The following LRRC7 variants were observed in gnomAD, a reference collection of about 807,000 sequenced individuals.
LRRC7 encodes the protein leucine-rich repeat-containing protein 7.
A neutral mutation model predicts 175.7 loss-of-function variants in LRRC7; 23 were observed. That is an observed-to-expected ratio of 0.13 (90% CI 0.09 to 0.19). The LOEUF (loss-of-function observed/expected upper bound fraction) is 0.19, where lower values mean the gene tolerates loss of function less well. Among genes scored for constraint, LRRC7 ranks in the 10% least tolerant of loss-of-function variants. The pLI is 1.00. For missense variants in LRRC7, 1,354 were observed against 1,904.7 expected (o/e 0.71, Z 5.38); for synonymous variants, 685 against 680.9 (o/e 1.01, Z -0.09).
intron 3 of LRRC7, among the ~76,000 whole-genome samples, chr1:69,765,629 T>A (rs567444573): frequency 6.6e-6 from 1 of 152,088 alleles, no homozygotes; most frequent in East Asian, 1.9e-4. Flanking sequence ...CATCTATCTA[T>A]CCATTCAACA....
At chr1:70,092,272 C>G (rs1366757218) in intron 25 of LRRC7, among the ~76,000 whole-genome samples, 1 of 151,992 alleles carries the variant, frequency 6.6e-6, no homozygotes, top group East Asian at 1.9e-4. Flanking sequence ...TAAGAGGAAC[C>G]AAGTTAAACA....
chr1:69,642,097 C>T (rs542194981), intron 1 of LRRC7, among the ~76,000 whole-genome samples: 116 of 151,734 alleles, frequency 7.6e-4, no homozygotes, highest in Admixed American at 2.4e-3. Flanking sequence ...AATTTGAAAA[C>T]CTTTGAGGAA....
intron 1 of LRRC7, among the ~76,000 whole-genome samples, chr1:69,575,416 T>G (rs1181224343): frequency 2.6e-5 from 4 of 152,190 alleles, no homozygotes; most frequent in Non-Finnish European, 4.4e-5. Context: ...CTGAGTTTAA[T>G]TTTTGGTCTT....
rs1363198251 is a variant in LRRC7 at position 69,578,903 on chromosome 1, C to T, written c.2+10262C>T. Among the ~76,000 whole-genome samples, 4 of 150,428 alleles carry T rather than the reference C, an allele frequency of 2.7e-5. No homozygotes were observed. The South Asian group carries it at 8.5e-4, about 32-fold the overall frequency. On this transcript the variant is annotated intron_variant, in intron 1 of 26. Transcript: ENST00000651989. ...CACATGTATACATATGTAACCTGCACATTGTGCACATGTACCCTAAAACTT... is the reference window on the plus strand; with the variant it reads ...CACATGTATACATATGTAACCTGCATATTGTGCACATGTACCCTAAAACTT...
At chr1:69,938,657 T>G (rs1275828340) in intron 8 of LRRC7, among the ~76,000 whole-genome samples, 1 of 151,956 alleles carries the variant, frequency 6.6e-6, no homozygotes, top group Non-Finnish European at 1.5e-5. Context: ...TAAATTAAAC[T>G]CATTTTACTA....
At chr1:69,769,562 G>A (rs1417964968) in intron 3 of LRRC7, among the ~76,000 whole-genome samples, 1 of 152,098 alleles carries the variant, frequency 6.6e-6, no homozygotes, top group Admixed American at 6.5e-5. Flanking sequence ...TGTATATGAA[G>A]CATAAATGAA....
In LRRC7 at chr1:70,132,452, CTTTTCTTTTTTT is replaced by C. The variant is rs1338684500; in HGVS notation, c.*10570_*10581del. Among the ~76,000 whole-genome samples the C allele has an allele frequency of 5.7e-4, 37 of 64,588 alleles. No individual in the cohort carries two copies. The highest frequency in any genetic ancestry group is 1.9e-3 in the Admixed American group (9 of 4,790). The allele number at this position is 64,588 out of a possible 152,430, so 42.4% of individuals were successfully genotyped here. A position where few individuals can be genotyped will look rare whatever the true frequency, so the allele number is the denominator to read the frequency against. On this transcript the variant is annotated 3_prime_UTR_variant, in exon 27 of 27. Transcript: ENST00000651989. ...GTACTTTTCTTTTTTCTTTTCTTTTCTTTTCTTTTTTTTTTTTTTTTTTTTTTTTTTGAGACG... is the reference window on the plus strand; with the variant it reads ...GTACTTTTCTTTTTTCTTTTCTTTTCTTTTTTTTTTTTTTTTTTTGAGACG...
At chr1:69,745,743 A>G (rs1017769781) in intron 2 of LRRC7, among the ~76,000 whole-genome samples, 5 of 151,614 alleles carry the variant, frequency 3.3e-5, no homozygotes, top group Admixed American at 2.0e-4. Flanking sequence ...GTGTTTGTGT[A>G]TGTATTTCTT....
At chr1:69,968,023 G>A (rs1478108326) in intron 8 of LRRC7, among the ~76,000 whole-genome samples, 2 of 151,998 alleles carry the variant, frequency 1.3e-5, no homozygotes, top group African/African-American at 4.8e-5. Context: ...ACCAGAGAAA[G>A]GTGAAGCCCA....
intron 4 of LRRC7, among the ~76,000 whole-genome samples, chr1:69,793,233 G>C (rs1267928693): frequency 6.6e-6 from 1 of 152,118 alleles, no homozygotes; most frequent in Non-Finnish European, 1.5e-5. Context: ...CATTCAACAT[G>C]AAGGGCATGC....
At chr1:69,593,530 C>A (rs1326255207) in intron 1 of LRRC7, among the ~76,000 whole-genome samples, 1 of 152,092 alleles carries the variant, frequency 6.6e-6, no homozygotes, top group Non-Finnish European at 1.5e-5. Context: ...CTATAAAATA[C>A]ATAAGTATTC....
intron 4 of LRRC7, among the ~76,000 whole-genome samples, chr1:69,793,702 C>A (rs1675393651): frequency 6.6e-6 from 1 of 151,896 alleles, no homozygotes; most frequent in South Asian, 2.1e-4. Flanking sequence ...CTGGAATCTC[C>A]TTACTAGAAT....
At chr1:69,877,134 T>A (rs1686114228) in intron 7 of LRRC7, among the ~76,000 whole-genome samples, 1 of 152,160 alleles carries the variant, frequency 6.6e-6, no homozygotes, top group Admixed American at 6.6e-5. Context: ...GAAGAAACTG[T>A]GAAGGGGCTC....
At position 69,883,518 on chromosome 1, in the gene LRRC7, T is replaced by C. The variant is rs1418475238; in HGVS notation, c.647+45235T>C. ...CATTGTAGATTCTGGATATTAGCTC[T>C]TTGTCAGATGAGTAGGTTGTGAAAA... On this transcript the variant is annotated intron_variant, in intron 7 of 26. Coordinates refer to ENST00000651989, the MANE Select transcript of LRRC7 (RefSeq NM_001370785.2). Among the ~76,000 whole-genome samples, 6 of 101,326 alleles carry C rather than the reference T, an allele frequency of 5.9e-5. 1 individual carries two copies. 66.5% of individuals were successfully genotyped at this position (101,326 alleles called of 152,430 possible).
At chr1:69,977,722 ACT>A (rs1190509444) in intron 8 of LRRC7, among the ~76,000 whole-genome samples, 2 of 151,956 alleles carry the variant, frequency 1.3e-5, no homozygotes, top group Non-Finnish European at 2.9e-5. Context: ...AATTTTCCAC[ACT>A]CTCTCTTCCC....
intron 1 of LRRC7, among the ~76,000 whole-genome samples, chr1:69,590,855 CCT>C (rs1646601519): frequency 6.6e-6 from 1 of 151,918 alleles, no homozygotes; most frequent in African/African-American, 2.4e-5. Flanking sequence ...AGAAATGTAG[CCT>C]CTCTGAGTTC....
In LRRC7 at chr1:69,732,661, A is replaced by T. The variant is rs149809730; in HGVS notation, c.101-27530A>T. Among the ~76,000 whole-genome samples, 664 of 152,148 alleles carry T rather than the reference A, an allele frequency of 4.4e-3. 7 individuals are homozygous for T. The highest frequency in any genetic ancestry group is 0.015 in the African/African-American group (621 of 41,534). On this transcript the variant is annotated intron_variant, in intron 2 of 26. Coordinates refer to ENST00000651989, the MANE Select transcript of LRRC7 (RefSeq NM_001370785.2). ...AAGAAAACAGAATTCTTCAATCCTC[A>T]ATTGGGCTTTATATATACTTGCAAT...
chr1:70,058,982 G>T (rs1558034525), intron 23 of LRRC7, among the ~76,000 whole-genome samples: 1 of 152,178 alleles, frequency 6.6e-6, no homozygotes, highest in Non-Finnish European at 1.5e-5. Flanking sequence ...ATCTGCAAGA[G>T]TATGTTAGAA....
chr1:69,650,533 C>A (rs1166916608), intron 1 of LRRC7, among the ~76,000 whole-genome samples: 1 of 43,156 alleles, frequency 2.3e-5, no homozygotes, highest in African/African-American at 1.5e-4. Context: ...AAGAGAGACT[C>A]CGTCTCAAAA....
Sources: allele counts gnomAD v4.1 joint callset (sites outside exome capture counted in the v4.1 genomes callset), GRCh38; gene constraint gnomAD v4.1.1; transcripts MANE v1.5; gene names NCBI Gene and HGNC (gene_info 2026-07-23, HGNC 2026-07-21).